ZNF483: variants seen among roughly 807,000 people sequenced by gnomAD.
ZNF483 encodes zinc finger protein HIT-10.
ZNF483 carries 9 observed loss-of-function variants against 28.6 expected under a neutral mutation model. That is an observed-to-expected ratio of 0.32 (90% CI 0.19 to 0.55). The LOEUF (loss-of-function observed/expected upper bound fraction) is 0.55. Among genes scored for constraint, ZNF483 ranks in the 20% least tolerant of loss-of-function variants. The probability of loss-of-function intolerance (pLI) is 0.93; values close to 1 mark genes in which losing one functional copy is unlikely to be tolerated. For missense variants in ZNF483, 675 were observed against 871.7 expected, an observed-to-expected ratio of 0.77 and a Z score of 2.84; for synonymous variants, 322 against 306.2, an observed-to-expected ratio of 1.05 and a Z score of -0.54.
chr9:111,573,490 G>A (rs1046124335), intron 5 of ZNF483, among the ~76,000 whole-genome samples: 40 of 152,266 alleles, frequency 2.6e-4, no homozygotes, highest in African/African-American at 7.7e-4. Flanking sequence ...GCTCATCATA[G>A]AATAAATAAC....
intron 2 of ZNF483, among the ~76,000 whole-genome samples, chr9:111,530,568 A>G (rs1220877725): frequency 1.3e-5 from 2 of 151,330 alleles, no homozygotes; most frequent in East Asian, 2.0e-4. Flanking sequence ...AACTGATGCT[A>G]TCTCCAGGTA....
chr9:111,543,941 C>A lies in ZNF483; in HGVS notation c.*771C>A. ...GGTTCCTAGGATGCTGGACTTCTAGCTTAGTGAGAATGCAGTATACTTTTT... is the reference window on the plus strand; with the variant it reads ...GGTTCCTAGGATGCTGGACTTCTAGATTAGTGAGAATGCAGTATACTTTTT... On this transcript the variant is annotated 3_prime_UTR_variant, in exon 6 of 6. Transcript: ENST00000309235. 1.0e-6 allele frequency: 1 copy of A among 985,224 alleles called. No homozygotes were observed. Among genetic ancestry groups the A allele is most frequent in the Non-Finnish European group, 1.2e-6 (1 of 829,912 alleles). 61.0% of individuals were successfully genotyped at this position (985,224 alleles called of 1,614,324 possible).
At chr9:111,567,607 A>G (rs1391761527) in intron 5 of ZNF483, among the ~76,000 whole-genome samples, 1 of 152,206 alleles carries the variant, frequency 6.6e-6, no homozygotes, top group African/African-American at 2.4e-5. Flanking sequence ...AATCAGAGAG[A>G]TATCAGGGGT....
chr9:111,570,232 G>T lies in ZNF483; in HGVS notation c.722-6133G>T. 3.1e-6 allele frequency: 5 copies of T among 1,605,884 alleles called. No individual in the cohort carries two copies. The South Asian group carries it at 5.6e-5, about 18-fold the overall frequency. On this transcript the variant is annotated intron_variant, in intron 5 of 5. Coordinates refer to the ZNF483 transcript ENST00000358151. ...GGCCTGTGAAGAGAAGGGCACATTT[G>T]GGTGGCAGGATCCAGGGAGGTGCCC...
chr9:111,541,057 A>G (rs1018029338), intron 5 of ZNF483, among the ~76,000 whole-genome samples: 2 of 151,764 alleles, frequency 1.3e-5, no homozygotes, highest in African/African-American at 2.4e-5. Flanking sequence ...GGAAAGAGAA[A>G]AGTTAGGATA....
intron 5 of ZNF483, among the ~76,000 whole-genome samples, chr9:111,540,721 T>C (rs147182455): frequency 6.6e-6 from 1 of 152,356 alleles, no homozygotes; most frequent in East Asian, 1.9e-4. Flanking sequence ...ATCTGTGATG[T>C]ATTTAACGTT....
At position 111,542,335 on chromosome 9, in the gene ZNF483, A is replaced by G. The variant is rs761454702; in HGVS notation, c.1400A>G (p.Tyr467Cys). The G allele has an allele frequency of 2.5e-6, 4 of 1,614,042 alleles. No homozygotes were observed. Among genetic ancestry groups the G allele is most frequent in the East Asian group, 2.2e-5 (1 of 44,896 alleles). ...AGAATTCACACTGGAGAAAAACCCT[A>G]TATGTGTAATGAATGTGGAAAAGCT... ...HRRIHTGEKPYMCNECGKAFS... is the reference protein window; with the variant it reads ...HRRIHTGEKPCMCNECGKAFS... The change falls in exon 6 of 6, where the codon TAT becomes TGT. Residue 467 changes from tyrosine (Y) to cysteine (C), a missense_variant. Around this residue, in one of 6 missense-constraint regions of ZNF483, gnomAD observed 525 missense variants for 581.8 expected, o/e 0.90. Coordinates refer to ENST00000309235, the MANE Select transcript of ZNF483 (RefSeq NM_133464.5). The surrounding 1 kb of genome is among the most constrained non-coding windows in gnomAD (Gnocchi z 6.2).
At position 111,541,653 on chromosome 9, in the gene ZNF483, T is replaced by G. The variant is rs1222116680; in HGVS notation, c.722-4T>G. 6.3e-7 allele frequency: 1 copy of G among 1,586,096 alleles called. No homozygotes were observed. The highest frequency in any genetic ancestry group is 1.4e-5 in the African/African-American group (1 of 73,090). On this transcript the variant is annotated splice_polypyrimidine_tract_variant and splice_region_variant and intron_variant, in intron 5 of 5. Coordinates refer to ENST00000309235, the MANE Select transcript of ZNF483 (RefSeq NM_133464.5). ...GGAAATATTCTATTTCTTATATCTT[T>G]TAGATGAATCAGCTTTAGATAAAAT... is the stretch of plus-strand genomic sequence containing the variant.
chr9:111,543,894 A>G lies in ZNF483; in HGVS notation c.*724A>G, dbSNP rs1827739147. The G allele has an allele frequency of 1.0e-6, 1 of 983,348 alleles. No individual in the cohort carries two copies. The highest frequency in any genetic ancestry group is 1.2e-6 in the Non-Finnish European group (1 of 829,486). The allele number at this position is 983,348 out of a possible 1,614,324, so 60.9% of individuals were successfully genotyped here. On this transcript the variant is annotated 3_prime_UTR_variant, in exon 6 of 6. Transcript: ENST00000309235. ...CTCACTTTCCTGAGTAGCTGACATTACGGGTACACTCCATCAAGCCTGGTT... is the reference window on the plus strand; with the variant it reads ...CTCACTTTCCTGAGTAGCTGACATTGCGGGTACACTCCATCAAGCCTGGTT...
rs1412912036 is a variant in ZNF483 at position 111,553,160 on chromosome 9, A to G, written c.*9990A>G. 6.6e-6 allele frequency among the ~76,000 whole-genome samples: 1 copy of G among 152,200 alleles called. No individual in the cohort carries two copies. The highest frequency in any genetic ancestry group is 1.5e-5 in the Non-Finnish European group (1 of 68,032). On this transcript the variant is annotated 3_prime_UTR_variant, in exon 6 of 6. Transcript: ENST00000309235. ...ATTACATGTCTTAAATATTGTCTTAAGTATTATCTACTATGTATCTTTAAC... is the reference window on the plus strand; with the variant it reads ...ATTACATGTCTTAAATATTGTCTTAGGTATTATCTACTATGTATCTTTAAC...
At chr9:111,539,266 C>G (rs1461189064) in intron 5 of ZNF483, among the ~76,000 whole-genome samples, 4 of 151,928 alleles carry the variant, frequency 2.6e-5, no homozygotes, top group Admixed American at 1.3e-4. Flanking sequence ...CACTGGCTAA[C>G]AATGCAGTGT....
intron 1 of ZNF483, among the ~76,000 whole-genome samples, chr9:111,525,592 C>G (rs1827166818): frequency 6.6e-6 from 1 of 152,196 alleles, no homozygotes; most frequent in Non-Finnish European, 1.5e-5. Context: ...AGTACCACCT[C>G]TCGTCCTAGT....
chr9:111,577,514 A>T (rs889515288), exon 6 of ZNF483: 1 of 152,210 alleles, frequency 6.6e-6, no homozygotes, highest in Non-Finnish European at 1.5e-5. Flanking sequence ...ATGAATGTTC[A>T]TAGTAACATT....
chr9:111,536,209 T>G (rs141465682), intron 5 of ZNF483, among the ~76,000 whole-genome samples: 56 of 151,412 alleles, frequency 3.7e-4, no homozygotes, highest in Middle Eastern at 3.4e-3. Flanking sequence ...TATATATATA[T>G]TAAATTTACA....
At position 111,550,043 on chromosome 9, in the gene ZNF483, A is replaced by AT. The variant is rs1364323713; in HGVS notation, c.*6879dup. Among the ~76,000 whole-genome samples, 1 of 151,786 alleles carries AT rather than the reference A, an allele frequency of 6.6e-6. No homozygotes were observed. The highest frequency in any genetic ancestry group is 2.4e-5 in the African/African-American group (1 of 41,300). On this transcript the variant is annotated 3_prime_UTR_variant, in exon 6 of 6. Transcript: ENST00000309235. ...GATTATTCCTTTTTCCCCAGGGTTT[A>AT]TTTTTTGTTGTTGTTTTTTGTGTTG...
downstream of ZNF483, among the ~76,000 whole-genome samples, chr9:111,559,362 G>A (rs192260392): frequency 9.9e-5 from 15 of 151,794 alleles, no homozygotes; most frequent in Admixed American, 3.9e-4. Context: ...GCAGCCCTGC[G>A]ATTCCAATGC....
chr9:111,531,049 C>T (rs1312773730), intron 3 of ZNF483, 86 bp downstream of exon 3: 1 of 566,770 alleles, frequency 1.8e-6, no homozygotes, highest in Non-Finnish European at 2.8e-6. Context: ...AAATAAAAGG[C>T]TAGGCACGGT....
chr9:111,556,335 A>T (rs1828120544), downstream of ZNF483, among the ~76,000 whole-genome samples: 1 of 152,228 alleles, frequency 6.6e-6, no homozygotes, highest in South Asian at 2.1e-4. Context: ...TGACTTTTCC[A>T]GGTGCATGGC....
chr9:111,536,552 A>T (rs571155085), intron 5 of ZNF483, among the ~76,000 whole-genome samples: 2 of 152,228 alleles, frequency 1.3e-5, no homozygotes, highest in African/African-American at 4.8e-5. Context: ...GTAAGTTATT[A>T]CATGTATCAA....
Sources: allele counts gnomAD v4.1 joint callset (sites outside exome capture counted in the v4.1 genomes callset), GRCh38; gene constraint gnomAD v4.1.1; regional missense constraint gnomAD v4.1.1; non-coding constraint Gnocchi (gnomAD v3.1); transcripts MANE v1.5; gene names NCBI Gene and HGNC (gene_info 2026-07-23, HGNC 2026-07-21).